The following CEP70 variants were observed in gnomAD, a reference collection of about 807,000 sequenced individuals.
CEP70 encodes the protein centrosomal protein 70.
CEP70 carries 70 observed loss-of-function variants against 90.9 expected under a neutral mutation model. The ratio of observed to expected loss-of-function variants is 0.77; its 90% CI spans 0.64 to 0.94. The LOEUF is 0.94. Ranked by LOEUF, CEP70 falls within the 40% of genes least tolerant of loss-of-function variation. The probability of loss-of-function intolerance (pLI) is 0.00; values close to 1 mark genes in which losing one functional copy is unlikely to be tolerated. For synonymous variants in CEP70, 220 were observed against 228.3 expected, an observed-to-expected ratio of 0.96 and a Z score of 0.33; for missense variants, 648 against 669.0, an observed-to-expected ratio of 0.97 and a Z score of 0.35.
In CEP70 at chr3:138,579,741, T is replaced by C. The variant is rs112166669; in HGVS notation, c.-5-6809A>G. Among the ~76,000 whole-genome samples the C allele has an allele frequency of 6.9e-3, 1,050 of 151,914 alleles. 17 individuals carry two copies. Among genetic ancestry groups the C allele is most frequent in the African/African-American group, 0.024 (999 of 41,470 alleles). On this transcript the variant is annotated intron_variant, in intron 2 of 17. Coordinates refer to ENST00000264982, the MANE Select transcript of CEP70 (RefSeq NM_024491.4). Reference sequence around the variant, plus strand: ...AACCAGGTAGTATATGCCATGGGCATTGGGTGAGACTCAGACATGCTGGCT... The same window carrying C: ...AACCAGGTAGTATATGCCATGGGCACTGGGTGAGACTCAGACATGCTGGCT...
At chr3:138,521,653 ACC>A (rs1171765146) in intron 11 of CEP70, among the ~76,000 whole-genome samples, 5 of 135,580 alleles carry the variant, frequency 3.7e-5, no homozygotes, top group African/African-American at 1.4e-4. Context: ...CCCGGCCGCG[ACC>A]CCGTCTGGGA....
intron 11 of CEP70, among the ~76,000 whole-genome samples, chr3:138,508,775 C>T (rs1408923149): frequency 6.6e-6 from 1 of 151,600 alleles, no homozygotes; most frequent in African/African-American, 2.4e-5. Context: ...GCTCTATCAC[C>T]CAGGCTGGAG....
chr3:138,564,599 CAT>C, intron 6 of CEP70, among the ~76,000 whole-genome samples: 1 of 152,286 alleles, frequency 6.6e-6, no homozygotes, highest in Middle Eastern at 3.4e-3. Flanking sequence ...ACAAAAACCA[CAT>C]GATTATCTCA....
chr3:138,522,134 G>A (rs1051017556), intron 11 of CEP70, among the ~76,000 whole-genome samples: 2 of 152,112 alleles, frequency 1.3e-5, no homozygotes, highest in African/African-American at 4.8e-5. Flanking sequence ...ACCCATGGAC[G>A]CAAACACTGC....
At chr3:138,587,374 T>C (rs1189641116) in intron 2 of CEP70, among the ~76,000 whole-genome samples, 2 of 151,756 alleles carry the variant, frequency 1.3e-5, no homozygotes, top group Admixed American at 6.6e-5. Flanking sequence ...ATAGTGGTAA[T>C]TGAAAAAGAA....
intron 5 of CEP70, 108 bp downstream of exon 5, chr3:138,570,926 G>T (rs2041129571): frequency 1.1e-6 from 1 of 928,488 alleles, no homozygotes; most frequent in East Asian, 2.9e-5. Context: ...ATATTTTTTA[G>T]TTTAATATTT....
At position 138,500,152 on chromosome 3, in the gene CEP70, T is replaced by C. The variant is rs35340237; in HGVS notation, c.1610A>G (p.Asn537Ser). The change falls in exon 16 of 18, where the codon AAT becomes AGT. Residue 537 changes from asparagine to serine, a missense_variant. Asn to Ser is a conservative substitution (Grantham distance 46). Transcript: ENST00000264982. ...TCCTAATACCTGCATAACCTGCTCA[T>C]TCACATCTTCATTAATCAGCCTACA... ...KLCRLINEDVNEQVMQVLGPE... is the reference protein window; with the variant it reads ...KLCRLINEDVSEQVMQVLGPE... 0.053 allele frequency: 85,898 copies of C among 1,613,258 alleles called. 7,859 individuals are homozygous for C. The highest frequency in any genetic ancestry group is 0.38 in the East Asian group (16,947 of 44,834).
Position 138,572,868 on chromosome 3 carries a change from A to C in CEP70, c.60T>G (p.Thr20=), listed in dbSNP as rs1252477529. ...DSSQPSDRLM[T]EKQQEEAEWE... ...AATATTTTAAGTTTACCTGTTTTTC[A>C]GTCATGAGTCTGTCTGATGGTTGAC... The change falls in exon 3 of 18, where the codon ACT becomes ACG. Residue 20 remains threonine, a synonymous_variant. Coordinates refer to ENST00000264982, the MANE Select transcript of CEP70 (RefSeq NM_024491.4). 1 of 1,598,116 alleles carries C rather than the reference A, an allele frequency of 6.3e-7. No homozygotes were observed. The highest frequency in any genetic ancestry group is 8.6e-7 in the Non-Finnish European group (1 of 1,166,162).
At chr3:138,559,272 G>A (rs2040228295) in intron 6 of CEP70, among the ~76,000 whole-genome samples, 1 of 152,092 alleles carries the variant, frequency 6.6e-6, no homozygotes, top group Non-Finnish European at 1.5e-5. Context: ...GGACTCCTGG[G>A]CAAATTGAAA....
intron 6 of CEP70, among the ~76,000 whole-genome samples, chr3:138,538,003 G>C (rs2038430485): frequency 6.6e-6 from 1 of 152,072 alleles, no homozygotes; most frequent in Admixed American, 6.5e-5. Context: ...TTCTGTAACT[G>C]TGATGCCTCT....
chr3:138,538,308 G>A (rs544208604), intron 6 of CEP70, among the ~76,000 whole-genome samples: 1 of 152,280 alleles, frequency 6.6e-6, no homozygotes, highest in African/African-American at 2.4e-5. Flanking sequence ...CACACTGTAG[G>A]AGGTACACTC....
intron 7 of CEP70, among the ~76,000 whole-genome samples, chr3:138,533,902 A>G (rs1437700205): frequency 6.6e-6 from 1 of 151,958 alleles, no homozygotes; most frequent in Non-Finnish European, 1.5e-5. Flanking sequence ...CTCCTGCCTC[A>G]GCCTCCCGAG....
rs1247876685 is a variant in CEP70, at chr3:138,504,272, ATGTATTG to A, written c.1221+1016_1221+1022del. On this transcript the variant is annotated intron_variant, in intron 13 of 17. Coordinates refer to ENST00000264982, the MANE Select transcript of CEP70 (RefSeq NM_024491.4). Reference sequence around the variant, plus strand: ...GCACTGTCACTCAATCAAAATGTTTATGTATTGTATAGCTCTGTCTGAGCCCTATATA... The same window carrying A: ...GCACTGTCACTCAATCAAAATGTTTATATAGCTCTGTCTGAGCCCTATATA... Among the ~76,000 whole-genome samples, 7 of 152,334 alleles carry A rather than the reference ATGTATTG, an allele frequency of 4.6e-5. No individual in the cohort carries two copies. In the East Asian group the frequency reaches 1.3e-3, roughly 29 times the overall value.
chr3:138,513,146 G>T (rs1576574955), intron 11 of CEP70, among the ~76,000 whole-genome samples: 2 of 152,216 alleles, frequency 1.3e-5, no homozygotes, highest in Admixed American at 6.5e-5. Context: ...ATCTCTTGCA[G>T]GGAAAGCTGT....
chr3:138,593,065 T>G (rs1478621616), intron 1 of CEP70: 1 of 152,178 alleles, frequency 6.6e-6, no homozygotes, highest in Non-Finnish European at 1.5e-5. Flanking sequence ...GGCAGAACCT[T>G]GCTTTGAAGC....
intron 6 of CEP70, among the ~76,000 whole-genome samples, chr3:138,564,949 C>A (rs972080373): frequency 2.7e-4 from 41 of 152,286 alleles, no homozygotes; most frequent in African/African-American, 8.9e-4. Flanking sequence ...TAGAAAACCC[C>A]ATTGTCTCAG....
chr3:138,575,364 T>C (rs2041440253), intron 2 of CEP70, among the ~76,000 whole-genome samples: 6 of 151,874 alleles, frequency 4.0e-5, no homozygotes. Context: ...TGATTGAAGA[T>C]CAAATTAATG....
At chr3:138,557,427 G>C (rs902683766) in intron 6 of CEP70, among the ~76,000 whole-genome samples, 66 of 152,266 alleles carry the variant, frequency 4.3e-4, no homozygotes, top group African/African-American at 1.5e-3. Flanking sequence ...AAATCACAAG[G>C]GTATTGATTG....
Position 138,500,124 on chromosome 3 carries a change from A to C in CEP70, c.1638T>G (p.Pro546=), listed in dbSNP as rs920808065. ...VNEQVMQVLG[P]EDLQSIIYKL... is the part of the protein sequence containing the mutation. ...AAAACAAATACCTCTGGAGGTCTTC[A>C]GGTCCTAATACCTGCATAACCTGCT... The change falls in exon 16 of 18, where the codon CCT becomes CCG. Residue 546 remains proline, a synonymous_variant. Coordinates refer to ENST00000264982, the MANE Select transcript of CEP70 (RefSeq NM_024491.4). 20 of 1,609,800 alleles carry C rather than the reference A, an allele frequency of 1.2e-5. No homozygotes were observed. The highest frequency in any genetic ancestry group is 1.5e-5 in the Non-Finnish European group (18 of 1,176,292).
Sources: gnomAD v4.1 joint callset for allele counts (sites outside exome capture counted in the v4.1 genomes callset) on GRCh38, gnomAD v4.1.1 for gene constraint, MANE v1.5 for transcripts, NCBI Gene and HGNC (gene_info 2026-07-23, HGNC 2026-07-21) for gene names.